Variants in USP49 observed in about 807,000 individuals in gnomAD.
USP49 encodes ubiquitin carboxyl-terminal hydrolase 49.
A neutral mutation model predicts 58.6 loss-of-function variants in USP49; 24 were observed. The ratio of observed to expected loss-of-function variants is 0.41; its 90% CI spans 0.30 to 0.58. The LOEUF (loss-of-function observed/expected upper bound fraction) is 0.58. USP49 is among the 20% of genes least tolerant of loss of function. USP49 has a pLI of 0.30. For synonymous variants in USP49, 408 were observed against 365.1 expected (o/e 1.12, Z -1.34); for missense variants, 703 against 866.1 (o/e 0.81, Z 2.36).
At chr6:41,818,358 T>C (rs1024339173) in intron 3 of USP49, among the ~76,000 whole-genome samples, 1 of 151,948 alleles carries the variant, frequency 6.6e-6, no homozygotes. Context: ...CACACACACA[T>C]GCGCACACAC....
chr6:41,829,695 A>T (rs1188962872), intron 3 of USP49, among the ~76,000 whole-genome samples: 1 of 152,198 alleles, frequency 6.6e-6, no homozygotes, highest in Admixed American at 6.5e-5. Context: ...TTCTGGAATT[A>T]ACCAGGAAGT....
Position 41,802,945 on chromosome 6 carries a change from G to A in USP49, c.1561+861C>T, listed in dbSNP as rs1327403438. On this transcript the variant is annotated intron_variant, in intron 5 of 7. Transcript: ENST00000682992. Reference sequence around the variant, plus strand: ...ATGTGAACAATAAAAACAAAATGCAGAAAATATTTCATGAAGCTGCCACTG... The same window carrying A: ...ATGTGAACAATAAAAACAAAATGCAAAAAATATTTCATGAAGCTGCCACTG... Among the ~76,000 whole-genome samples, 4 of 152,274 alleles carry A rather than the reference G, an allele frequency of 2.6e-5. No individual in the cohort carries two copies. In the South Asian group the frequency reaches 6.2e-4, roughly 24 times the overall value.
chr6:41,818,888 A>G (rs1261802411), intron 3 of USP49, among the ~76,000 whole-genome samples: 2 of 152,162 alleles, frequency 1.3e-5, no homozygotes, highest in Middle Eastern at 3.2e-3. Context: ...TGGCACATAG[A>G]TCAGCTCCAT....
At chr6:41,880,892 C>T (rs989077213) in intron 2 of USP49, among the ~76,000 whole-genome samples, 2 of 151,886 alleles carry the variant, frequency 1.3e-5, no homozygotes, top group African/African-American at 4.8e-5. Flanking sequence ...CTGGGCAGGT[C>T]TAGAAAAGAA....
At chr6:41,856,267 C>T (rs1202016531) in intron 3 of USP49, among the ~76,000 whole-genome samples, 1 of 148,676 alleles carries the variant, frequency 6.7e-6, no homozygotes, top group Non-Finnish European at 1.5e-5. Flanking sequence ...CCCAGCTACT[C>T]GGAAGGCTGA....
chr6:41,797,888 G>A (rs1772914492), intron 7 of USP49: 1 of 891,184 alleles, frequency 1.1e-6, no homozygotes, highest in Admixed American at 6.2e-5. Flanking sequence ...ATTTATTTGA[G>A]TCAGGATCTC....
chr6:41,807,211 G>A (rs751934835), intron 3 of USP49, among the ~76,000 whole-genome samples, 200 bp from the exon 4 acceptor site: 7 of 152,124 alleles, frequency 4.6e-5, no homozygotes, highest in Non-Finnish European at 8.8e-5. Flanking sequence ...TTACAGGACA[G>A]TTAAATTACT....
chr6:41,834,065 CA>C (rs1773683519), intron 3 of USP49, among the ~76,000 whole-genome samples: 1 of 152,208 alleles, frequency 6.6e-6, no homozygotes, highest in Non-Finnish European at 1.5e-5. Flanking sequence ...GCACGCCCAT[CA>C]CTAGGAAGAA....
At chr6:41,892,491 C>T (rs1774825861) in intron 1 of USP49, among the ~76,000 whole-genome samples, 1 of 152,110 alleles carries the variant, frequency 6.6e-6, no homozygotes, top group Admixed American at 6.5e-5. Flanking sequence ...TTACCAAGAT[C>T]CTCTGTTAAA....
chr6:41,866,403 G>T (rs1288005622), intron 3 of USP49, among the ~76,000 whole-genome samples: 1 of 152,148 alleles, frequency 6.6e-6, no homozygotes, highest in Admixed American at 6.5e-5. Context: ...GCTCCATGAT[G>T]GTAGAGATTT....
intron 4 of USP49, among the ~76,000 whole-genome samples, chr6:41,804,276 G>A (rs961940044): frequency 1.3e-5 from 2 of 152,014 alleles, no homozygotes; most frequent in Non-Finnish European, 2.9e-5. Flanking sequence ...CCCAAAATAT[G>A]CTCTACCATT....
At chr6:41,849,523 C>T (rs906433302) in intron 3 of USP49, among the ~76,000 whole-genome samples, 2 of 152,146 alleles carry the variant, frequency 1.3e-5, no homozygotes, top group African/African-American at 4.8e-5. Context: ...CATGGAACAT[C>T]TCTAGGAAAG....
At chr6:41,853,930 C>A (rs1261434298) in intron 3 of USP49, among the ~76,000 whole-genome samples, 2 of 130,628 alleles carry the variant, frequency 1.5e-5, no homozygotes, top group Non-Finnish European at 3.1e-5. Context: ...ACCCGGGAGG[C>A]GGAGGTTGAG....
At chr6:41,884,323 C>T (rs1204302456) in intron 2 of USP49, among the ~76,000 whole-genome samples, 1 of 152,080 alleles carries the variant, frequency 6.6e-6, no homozygotes, top group Non-Finnish European at 1.5e-5. Context: ...GCGCCAGGCC[C>T]ATAACATAGA....
intron 2 of USP49, among the ~76,000 whole-genome samples, chr6:41,872,653 C>T (rs974722218): frequency 2.0e-5 from 3 of 151,552 alleles, no homozygotes; most frequent in African/African-American, 2.4e-5. Flanking sequence ...AATCCCAGCA[C>T]TTTGGGAGGC....
intron 3 of USP49, among the ~76,000 whole-genome samples, chr6:41,816,614 AATT>A (rs1435543990): frequency 6.6e-6 from 1 of 152,138 alleles, no homozygotes; most frequent in Non-Finnish European, 1.5e-5. Flanking sequence ...AAAAACTAAA[AATT>A]ATTGGTAGTT....
chr6:41,820,956 G>A (rs770098992), intron 3 of USP49, among the ~76,000 whole-genome samples: 7 of 152,098 alleles, frequency 4.6e-5, no homozygotes, highest in Non-Finnish European at 8.8e-5. Flanking sequence ...AGCTGTGATT[G>A]TGCCACTGCA....
intron 2 of USP49, among the ~76,000 whole-genome samples, chr6:41,883,205 T>A (rs1050262899): frequency 3.3e-5 from 5 of 151,526 alleles, no homozygotes; most frequent in Non-Finnish European, 5.9e-5. Flanking sequence ...TACAAAAAAA[T>A]TAGCTAGGTG....
rs150794701 is a variant in USP49 at position 41,862,899 on chromosome 6, G to C, written c.-29+8665C>G. ...AGCAATTTTCATGCCTCAGCCTCCA[G>C]AGTAGCTAGGATTACAGGCGTGCAC... On this transcript the variant is annotated intron_variant, in intron 3 of 7. Coordinates refer to ENST00000682992, the MANE Select transcript of USP49 (RefSeq NM_001286554.2). 6.7e-3 allele frequency among the ~76,000 whole-genome samples: 1,020 copies of C among 152,078 alleles called. 10 individuals carry two copies. The highest frequency in any genetic ancestry group is 0.023 in the African/African-American group (959 of 41,462).
Sources: gnomAD v4.1 joint callset for allele counts (sites outside exome capture counted in the v4.1 genomes callset) on GRCh38, gnomAD v4.1.1 for gene constraint, MANE v1.5 for transcripts, NCBI Gene and HGNC (gene_info 2026-07-23, HGNC 2026-07-21) for gene names.